Variants in PCDHA13 observed in about 807,000 individuals in gnomAD.
PCDHA13 encodes protocadherin alpha 13.
A neutral mutation model predicts 64.8 loss-of-function variants in PCDHA13; 54 were observed. The ratio of observed to expected loss-of-function variants is 0.83; its 90% confidence interval spans 0.67 to 1.04. The LOEUF is 1.04. Ranked by LOEUF, PCDHA13 falls within the 50% of genes least tolerant of loss-of-function variation. PCDHA13 has a pLI of 0.00. For missense variants in PCDHA13, 1,248 were observed against 1,254.3 expected, an observed-to-expected ratio of 0.99 and a Z score of 0.08; for synonymous variants, 587 against 564.4, an observed-to-expected ratio of 1.04 and a Z score of -0.57.
At chr5:140,921,832 A>G (rs1276240870) in intron 1 of PCDHA13, among the ~76,000 whole-genome samples, 1 of 152,120 alleles carries the variant, frequency 6.6e-6, no homozygotes, top group African/African-American at 2.4e-5. Flanking sequence ...CTATACACAT[A>G]TAGACATATT....
At chr5:140,946,752 A>C (rs1470208958) in intron 1 of PCDHA13, among the ~76,000 whole-genome samples, 1 of 151,470 alleles carries the variant, frequency 6.6e-6, no homozygotes, top group East Asian at 1.9e-4. Context: ...CAAATACTGC[A>C]TGATCTCATT....
intron 1 of PCDHA13, among the ~76,000 whole-genome samples, chr5:140,959,052 A>C (rs992294371): frequency 3.3e-5 from 5 of 152,078 alleles, no homozygotes; most frequent in Admixed American, 6.6e-5. Context: ...ATAGGAAAAA[A>C]TGCAGTATAT....
intron 3 of PCDHA13, among the ~76,000 whole-genome samples, chr5:141,000,961 C>A (rs1207814885): frequency 6.6e-6 from 1 of 151,948 alleles, no homozygotes; most frequent in Non-Finnish European, 1.5e-5. Flanking sequence ...GTAATTTAAG[C>A]CTTCATATTC....
intron 1 of PCDHA13, among the ~76,000 whole-genome samples, chr5:140,949,318 T>C (rs1554218908): frequency 6.6e-6 from 1 of 151,876 alleles, no homozygotes; most frequent in African/African-American, 2.4e-5. Flanking sequence ...GATTTATAAA[T>C]ATAAATTATT....
At chr5:140,901,485 C>T (rs894282962) in intron 1 of PCDHA13, among the ~76,000 whole-genome samples, 1 of 152,086 alleles carries the variant, frequency 6.6e-6, no homozygotes, top group African/African-American at 2.4e-5. Context: ...GTTCTTGGCA[C>T]CTTCATCGAA....
chr5:141,001,706 C>T (rs2098033561), intron 3 of PCDHA13, among the ~76,000 whole-genome samples: 1 of 151,850 alleles, frequency 6.6e-6, no homozygotes, highest in African/African-American at 2.4e-5. Flanking sequence ...AAATAGGGGG[C>T]GGGGAAGGAG....
intron 1 of PCDHA13, among the ~76,000 whole-genome samples, chr5:140,893,780 C>T (rs966071281): frequency 4.6e-5 from 7 of 151,980 alleles, no homozygotes; most frequent in Admixed American, 6.6e-5. Context: ...TTTCTTTTAC[C>T]GTTTTTAGAA....
chr5:140,929,112 C>A, intron 1 of PCDHA13: 1 of 1,614,130 alleles, frequency 6.2e-7, no homozygotes, highest in South Asian at 1.1e-5. Flanking sequence ...TGACATCAGC[C>A]ACCATAGATG....
Position 140,884,432 on chromosome 5 carries a change from C to A in PCDHA13, c.2164C>A (p.Arg722=), listed in dbSNP as rs782413139. ...CACGTTGCTGCTGTATACTGCGCTG[C>A]GGTGCTCGGCACCGCCCACCGAGGG... ...VLTLLLYTAL[R]CSAPPTEGAC... The change falls in exon 1 of 4, where the codon CGG becomes AGG. Residue 722 remains arginine, a synonymous_variant. Coordinates refer to ENST00000289272, the MANE Select transcript of PCDHA13 (RefSeq NM_018904.3). The A allele has an allele frequency of 4.3e-6, 7 of 1,613,764 alleles. No individual in the cohort carries two copies. The highest frequency in any genetic ancestry group is 5.1e-6 in the Non-Finnish European group (6 of 1,179,866).
At chr5:140,940,498 C>T (rs185491489) in intron 1 of PCDHA13, among the ~76,000 whole-genome samples, 7 of 151,984 alleles carry the variant, frequency 4.6e-5, no homozygotes, top group Non-Finnish European at 8.8e-5. Flanking sequence ...AGTCTTGCTC[C>T]GTCGCTCAGG....
chr5:140,922,581 C>T (rs893700923), intron 1 of PCDHA13, among the ~76,000 whole-genome samples: 2 of 152,104 alleles, frequency 1.3e-5, no homozygotes, highest in Non-Finnish European at 2.9e-5. Context: ...GCCCTGTAGC[C>T]GCCAGTTCTC....
chr5:140,927,042 G>T (rs548394870), intron 1 of PCDHA13: 7 of 1,612,270 alleles, frequency 4.3e-6, no homozygotes, highest in Non-Finnish European at 4.2e-6. Context: ...CGGCCGCTAT[G>T]TCCTCGCGGA....
At chr5:140,936,340 C>T (rs1346812812) in intron 1 of PCDHA13, among the ~76,000 whole-genome samples, 1 of 152,102 alleles carries the variant, frequency 6.6e-6, no homozygotes, top group Non-Finnish European at 1.5e-5. Flanking sequence ...TCTCTATCTG[C>T]ATATATGGAA....
intron 1 of PCDHA13, chr5:140,966,327 C>A (rs1381846026): frequency 5.1e-6 from 2 of 392,388 alleles, no homozygotes; most frequent in East Asian, 3.6e-5. Flanking sequence ...CCGCTGGGAT[C>A]CGGCAGGTCC....
chr5:140,959,303 T>C (rs1467527270), intron 1 of PCDHA13, among the ~76,000 whole-genome samples: 1 of 151,938 alleles, frequency 6.6e-6, no homozygotes, highest in African/African-American at 2.4e-5. Flanking sequence ...CTGAGCCCGG[T>C]GGTTGAAGCT....
intron 1 of PCDHA13, among the ~76,000 whole-genome samples, chr5:140,937,632 G>T (rs1228752133): frequency 1.3e-5 from 2 of 150,132 alleles, no homozygotes; most frequent in Admixed American, 1.3e-4. Flanking sequence ...AAAAAGAAAG[G>T]CAGGGCATGG....
At chr5:140,969,436 A>G (rs1289383219) in intron 1 of PCDHA13, 2 of 1,549,954 alleles carry the variant, frequency 1.3e-6, no homozygotes, top group Non-Finnish European at 1.7e-6. Flanking sequence ...GACAAGAGTT[A>G]TCTGGTAAAC....
chr5:140,883,045 A>G lies in PCDHA13; in HGVS notation c.777A>G (p.Thr259=). ...VTVLENAFNG[T]LVIKLNATDP... ...TGTTAGAGAACGCCTTCAATGGAAC[A>G]TTAGTGATCAAGCTAAATGCCACAG... Residue 259 remains threonine, a synonymous_variant, in exon 1 of 4, where the codon ACA becomes ACG. Coordinates refer to ENST00000289272, the MANE Select transcript of PCDHA13 (RefSeq NM_018904.3). The G allele has an allele frequency of 1.2e-6, 2 of 1,614,190 alleles. No homozygotes were observed. Among genetic ancestry groups the G allele is most frequent in the Non-Finnish European group, 1.7e-6 (2 of 1,180,040 alleles).
At position 140,978,997 on chromosome 5, in the gene PCDHA13, G is replaced by C. The variant is rs782253140; in HGVS notation, c.2443G>C (p.Gly815Arg). The C allele has an allele frequency of 2.7e-5, 44 of 1,614,040 alleles. No individual in the cohort carries two copies. Among genetic ancestry groups the C allele is most frequent in the Non-Finnish European group, 3.6e-5 (43 of 1,180,028 alleles). ...GCGTTACTCTGCCTCCCTGAGAGCA[G>C]GCATGCACAGGTATGTATTTCCCTC... ...DWRYSASLRAGMHSSVHLEEA... is the reference protein window; with the variant it reads ...DWRYSASLRARMHSSVHLEEA... Residue 815 changes from glycine to arginine, a missense_variant, in exon 2 of 4, where the codon GGC becomes CGC. Transcript: ENST00000289272.
Sources: allele counts gnomAD v4.1 joint callset (sites outside exome capture counted in the v4.1 genomes callset), GRCh38; gene constraint gnomAD v4.1.1; transcripts MANE v1.5; gene names NCBI Gene and HGNC (gene_info 2026-07-23, HGNC 2026-07-21).